The following CSNK1G1 variants were observed in gnomAD, a reference collection of about 807,000 sequenced individuals.
CSNK1G1 encodes the protein casein kinase I isoform gamma-1.
CSNK1G1 carries 22 observed loss-of-function variants against 59.6 expected under a neutral mutation model. That is an observed-to-expected ratio of 0.37 (90% CI 0.26 to 0.53). The LOEUF is 0.53. Among genes scored for constraint, CSNK1G1 ranks in the 20% least tolerant of loss-of-function variants. The pLI is 0.89. For synonymous variants in CSNK1G1, 179 were observed against 177.1 expected (o/e 1.01, Z -0.08); for missense variants, 384 against 519.5 (o/e 0.74, Z 2.54).
At chr15:64,175,519 A>C (rs1299277819) in intron 11 of CSNK1G1, among the ~76,000 whole-genome samples, 1 of 152,128 alleles carries the variant, frequency 6.6e-6, no homozygotes, top group African/African-American at 2.4e-5. Flanking sequence ...CCACACATGG[A>C]TTCTTGAGGG....
At chr15:64,203,878 C>T (rs1469683138) in intron 9 of CSNK1G1, among the ~76,000 whole-genome samples, 1 of 152,016 alleles carries the variant, frequency 6.6e-6, no homozygotes, top group African/African-American at 2.4e-5. Context: ...TGTGGTGGCT[C>T]ACGCCTGTAA....
chr15:64,222,298 G>C (rs190904190), intron 4 of CSNK1G1, among the ~76,000 whole-genome samples: 70 of 134,184 alleles, frequency 5.2e-4, no homozygotes, highest in Non-Finnish European at 8.5e-4. Context: ...TCGGGGGAGG[G>C]AACTTAGAAG....
At chr15:64,212,395 G>A (rs1456478553) in intron 6 of CSNK1G1, among the ~76,000 whole-genome samples, 1 of 152,156 alleles carries the variant, frequency 6.6e-6, no homozygotes, top group Non-Finnish European at 1.5e-5. Context: ...GAACTTAGTA[G>A]ATATTACATT....
chr15:64,341,992 T>G (rs1280066090), intron 1 of CSNK1G1, among the ~76,000 whole-genome samples: 2 of 152,254 alleles, frequency 1.3e-5, no homozygotes, highest in African/African-American at 4.8e-5. Flanking sequence ...TTATTCCTCA[T>G]GGTCACTTTT....
chr15:64,186,269 G>C (rs1193745586), intron 10 of CSNK1G1, among the ~76,000 whole-genome samples: 1 of 152,094 alleles, frequency 6.6e-6, no homozygotes, highest in African/African-American at 2.4e-5. Flanking sequence ...ACCACGCCCA[G>C]CTAATTTTTT....
At chr15:64,294,969 T>C (rs1030621292) in intron 2 of CSNK1G1, among the ~76,000 whole-genome samples, 2 of 149,796 alleles carry the variant, frequency 1.3e-5, no homozygotes, top group African/African-American at 4.9e-5. Flanking sequence ...CGGTGGCTCA[T>C]GCCTATAATC....
chr15:64,310,810 TC>T (rs1895953635), intron 1 of CSNK1G1, among the ~76,000 whole-genome samples: 1 of 151,700 alleles, frequency 6.6e-6, no homozygotes, highest in Admixed American at 6.6e-5. Flanking sequence ...ATCGAGACCA[TC>T]CTGGCCAATA....
At chr15:64,306,020 A>G (rs555859336) in intron 1 of CSNK1G1, among the ~76,000 whole-genome samples, 1 of 152,324 alleles carries the variant, frequency 6.6e-6, no homozygotes, top group South Asian at 2.1e-4. Context: ...TAAATGTAAA[A>G]CACAAAATGA....
intron 6 of CSNK1G1, among the ~76,000 whole-genome samples, chr15:64,208,376 C>T (rs2082209502): frequency 6.6e-6 from 1 of 152,124 alleles, no homozygotes; most frequent in African/African-American, 2.4e-5. Flanking sequence ...ATTCTGGAAG[C>T]GTATCTAAAA....
chr15:64,316,535 C>CAAAAAAAAAAAAAA (rs66620488), intron 1 of CSNK1G1, among the ~76,000 whole-genome samples: 2 of 94,106 alleles, frequency 2.1e-5, no homozygotes, highest in African/African-American at 7.6e-5. Flanking sequence ...GACTCTGTCT[C>CAAAAAAAAAAAAAA]AAAAAAAAAA....
At chr15:64,238,515 AAAAATATAT>A (rs2082647225) in intron 4 of CSNK1G1, among the ~76,000 whole-genome samples, 1 of 122,768 alleles carries the variant, frequency 8.1e-6, no homozygotes, top group South Asian at 3.0e-4. Context: ...AAAAAAAAAA[AAAAATATAT>A]ATATATATAT....
At chr15:64,244,129 AC>A (rs1891625580) in intron 4 of CSNK1G1, among the ~76,000 whole-genome samples, 1 of 152,166 alleles carries the variant, frequency 6.6e-6, no homozygotes, top group Admixed American at 6.5e-5. Context: ...AGATCACGCC[AC>A]TGCACTCCAG....
chr15:64,331,481 A>G (rs1324450962), intron 1 of CSNK1G1, among the ~76,000 whole-genome samples: 1 of 48,906 alleles, frequency 2.0e-5, no homozygotes, highest in Non-Finnish European at 4.1e-5. Flanking sequence ...CATATGTAGA[A>G]AGCTGAAACT....
At chr15:64,231,695 A>G (rs1290657661) in intron 4 of CSNK1G1, among the ~76,000 whole-genome samples, 1 of 151,896 alleles carries the variant, frequency 6.6e-6, no homozygotes, top group Non-Finnish European at 1.5e-5. Flanking sequence ...GCTCAGCCCC[A>G]TACATGCCAC....
intron 1 of CSNK1G1, among the ~76,000 whole-genome samples, chr15:64,310,627 G>A (rs1201115888): frequency 6.6e-6 from 1 of 151,958 alleles, no homozygotes; most frequent in African/African-American, 2.4e-5. Flanking sequence ...TGAGGTGAAA[G>A]GATCCCTTGA....
At chr15:64,206,046 C>T (rs905437778) in intron 7 of CSNK1G1, among the ~76,000 whole-genome samples, 2 of 152,176 alleles carry the variant, frequency 1.3e-5, no homozygotes, top group South Asian at 2.1e-4. Context: ...ATGGCTCATG[C>T]CTGTAATCCT....
rs1449062688 is a variant in CSNK1G1 at position 64,346,466 on chromosome 15, ATTTATTTTGAGACATAGG to A, written c.-225+9504_-225+9521del. ...TATTTATTTATTTATTTATTTATTT[ATTTATTTTGAGACATAGG>A]TTTGCTCTTGTTGCCCAGACAGGAG... On this transcript the variant is annotated intron_variant, in intron 1 of 11. Coordinates refer to ENST00000303052, the MANE Select transcript of CSNK1G1 (RefSeq NM_022048.5). Among the ~76,000 whole-genome samples, 4 of 111,126 alleles carry A rather than the reference ATTTATTTTGAGACATAGG, an allele frequency of 3.6e-5. No homozygotes were observed. In the East Asian group the frequency reaches 8.6e-4, roughly 24 times the overall value. 72.9% of individuals were successfully genotyped at this position (111,126 alleles called of 152,430 possible). A position where few individuals can be genotyped will look rare whatever the true frequency, so the allele number is the denominator to read the frequency against.
At chr15:64,317,240 C>T (rs937336569) in intron 1 of CSNK1G1, among the ~76,000 whole-genome samples, 2 of 152,134 alleles carry the variant, frequency 1.3e-5, no homozygotes, top group South Asian at 2.1e-4. Flanking sequence ...AGGTGTGCGC[C>T]ACTACGCCCG....
At chr15:64,351,735 C>T (rs759295719) in intron 1 of CSNK1G1, among the ~76,000 whole-genome samples, 1 of 152,026 alleles carries the variant, frequency 6.6e-6, no homozygotes, top group Admixed American at 6.6e-5. Flanking sequence ...AAAAATTAGC[C>T]AGGTATGCTG....
Sources: gnomAD v4.1 joint callset for allele counts (sites outside exome capture counted in the v4.1 genomes callset) on GRCh38, gnomAD v4.1.1 for gene constraint, MANE v1.5 for transcripts, NCBI Gene and HGNC (gene_info 2026-07-23, HGNC 2026-07-21) for gene names.